Variants in MAK observed in about 807,000 individuals in gnomAD.
MAK encodes the protein male germ cell associated kinase, also known as serine/threonine-protein kinase MAK.
A neutral mutation model predicts 82.6 loss-of-function variants in MAK; 65 were observed. That is an observed-to-expected ratio of 0.79 (90% CI 0.64 to 0.97). The LOEUF (loss-of-function observed/expected upper bound fraction) is 0.97. Ranked by LOEUF, MAK falls within the 50% of genes least tolerant of loss-of-function variation. The pLI, the probability that MAK is intolerant of heterozygous loss-of-function variation, is 0.00. For synonymous variants in MAK, 250 were observed against 274.2 expected (o/e 0.91, Z 0.87); for missense variants, 703 against 780.2 (o/e 0.90, Z 1.18).
chr6:10,816,050 G>A lies in MAK; in HGVS notation c.278+1800C>T, dbSNP rs969801140. Among the ~76,000 whole-genome samples, 17 of 150,774 alleles carry A rather than the reference G, an allele frequency of 1.1e-4. No individual in the cohort carries two copies. The East Asian group carries it at 3.3e-3, about 29-fold the overall frequency. ...CTGCAACCTCTCCCTCCTGGCCAAC[G>A]CAGTGAAACCCTGTCTCTACTAAAA... On this transcript the variant is annotated intron_variant, in intron 4 of 14. Coordinates refer to ENST00000354489, the MANE Select transcript of MAK (RefSeq NM_001242957.3).
rs766003587 is a variant in MAK, at chr6:10,791,672, T to TA, written c.1316+2dup. Reference sequence around the variant, plus strand: ...TATTTTTCTGAGGAATTTGAAATCTTACCGAAATGGAGAATCTTTTTTCCT... The same window carrying TA: ...TATTTTTCTGAGGAATTTGAAATCTTAACCGAAATGGAGAATCTTTTTTCCT... On this transcript the variant is annotated splice_region_variant and intron_variant, in intron 10 of 14. Transcript: ENST00000354489. 1 of 1,611,904 alleles carries TA rather than the reference T, an allele frequency of 6.2e-7. No individual in the cohort carries two copies. The highest frequency in any genetic ancestry group is 1.3e-5 in the African/African-American group (1 of 74,888).
chr6:10,767,876 T>C (rs1322024728), intron 14 of MAK, among the ~76,000 whole-genome samples: 1 of 149,996 alleles, frequency 6.7e-6, no homozygotes, highest in African/African-American at 2.4e-5. Flanking sequence ...AAGGGGGAAA[T>C]AGTTGAGTAA....
intron 8 of MAK, among the ~76,000 whole-genome samples, chr6:10,799,603 C>T (rs1775853016): frequency 1.3e-5 from 2 of 152,040 alleles, no homozygotes; most frequent in Admixed American, 6.6e-5. Flanking sequence ...AGAAACAAAA[C>T]TTTCAAAAAA....
intron 5 of MAK, 110 bp from the exon 6 acceptor site, chr6:10,809,052 C>T (rs370140345): frequency 9.8e-6 from 10 of 1,021,260 alleles, no homozygotes; most frequent in African/African-American, 9.7e-5. Flanking sequence ...TAATTCAAAA[C>T]ATCATCTTAG....
intron 9 of MAK, 88 bp from the exon 10 acceptor site, chr6:10,791,935 G>T: frequency 7.3e-7 from 1 of 1,375,284 alleles, no homozygotes; most frequent in Non-Finnish European, 1.0e-6. Context: ...GACACTAACA[G>T]TCCCCATTCT....
intron 2 of MAK, among the ~76,000 whole-genome samples, chr6:10,822,125 C>A (rs1274517925): frequency 1.7e-5 from 2 of 117,412 alleles, no homozygotes; most frequent in East Asian, 2.5e-4. Flanking sequence ...CCAGCCTGGG[C>A]AACAGAGCGA....
At chr6:10,810,989 A>G (rs576119950) in intron 5 of MAK, among the ~76,000 whole-genome samples, 13 of 152,082 alleles carry the variant, frequency 8.5e-5, no homozygotes, top group Non-Finnish European at 1.6e-4. Flanking sequence ...TTTGACAGCA[A>G]CTATTTTATT....
chr6:10,778,493 C>T (rs1262824262), intron 11 of MAK, among the ~76,000 whole-genome samples: 3 of 152,154 alleles, frequency 2.0e-5, no homozygotes, highest in Non-Finnish European at 4.4e-5. Flanking sequence ...TAGGATACAA[C>T]TCCCACATGC....
rs145516078 is a variant in MAK at position 10,790,726 on chromosome 6, G to C, written c.1316+949C>G. Among the ~76,000 whole-genome samples, 161 of 152,248 alleles carry C rather than the reference G, an allele frequency of 1.1e-3. 1 individual carries two copies. Among genetic ancestry groups the C allele is most frequent in the African/African-American group, 3.7e-3 (154 of 41,546 alleles). ...CATTCACAAGAGCATCGTAAAAATG[G>C]AACAAGATCCCCTCTGATACGTTTT... is the stretch of plus-strand genomic sequence containing the variant. On this transcript the variant is annotated intron_variant, in intron 10 of 14. Transcript: ENST00000354489.
chr6:10,789,549 G>A (rs1188090440), intron 10 of MAK, among the ~76,000 whole-genome samples: 1 of 152,202 alleles, frequency 6.6e-6, no homozygotes, highest in Non-Finnish European at 1.5e-5. Flanking sequence ...CTATGAGGAA[G>A]TTTAATTTAT....
chr6:10,788,593 C>T (rs528482791), intron 10 of MAK, among the ~76,000 whole-genome samples: 4 of 152,032 alleles, frequency 2.6e-5, no homozygotes, highest in African/African-American at 4.8e-5. Flanking sequence ...ATTAGCCAGG[C>T]GTGGTGGCAC....
chr6:10,783,864 C>T (rs1476529587), intron 11 of MAK, among the ~76,000 whole-genome samples: 1 of 151,990 alleles, frequency 6.6e-6, no homozygotes, highest in Non-Finnish European at 1.5e-5. Context: ...ACTAAAAATG[C>T]AAAAATTAGC....
At chr6:10,803,671 A>C (rs1275888077) in intron 7 of MAK, 49 bp downstream of exon 7, 1 of 1,492,506 alleles carries the variant, frequency 6.7e-7, no homozygotes, top group Non-Finnish European at 9.3e-7. Flanking sequence ...CAAAGTAGCA[A>C]GATAGAAATA....
rs781377439 is a variant in MAK at position 10,803,836 on chromosome 6, C to T, written c.547G>A (p.Val183Met). Residue 183 changes from valine (V) to methionine (M), a missense_variant, in exon 7 of 15, where the codon GTG (valine) becomes ATG (methionine). Transcript: ENST00000354489. ...RSSVYSSPID[V>M]WAVGSIMAEL... The stretch of plus-strand genomic sequence containing the variant: ...GCCATGATACTTCCAACAGCCCACA[C>T]ATCAATGGGAGAACTATAAACTGAA... 6.2e-7 allele frequency: 1 copy of T among 1,614,028 alleles called. No individual in the cohort carries two copies. The highest frequency in any genetic ancestry group is 1.1e-5 in the South Asian group (1 of 91,082).
At position 10,773,690 on chromosome 6, in the gene MAK, ATT is replaced by A. The variant is rs34702806; in HGVS notation, c.1598-584_1598-583del. Among the ~76,000 whole-genome samples, 497 of 136,664 alleles carry A rather than the reference ATT, an allele frequency of 3.6e-3. 1 individual carries two copies. The highest frequency in any genetic ancestry group is 0.011 in the Middle Eastern group (3 of 262). 89.7% of individuals were successfully genotyped at this position (136,664 alleles called of 152,430 possible). ...CATTTAAAAAATAAAACTATTAGTGATTTTTTTTTTTTTTTTTTTGAGACAGA... is the reference window on the plus strand; with the variant it reads ...CATTTAAAAAATAAAACTATTAGTGATTTTTTTTTTTTTTTTTGAGACAGA... On this transcript the variant is annotated intron_variant, in intron 12 of 14. Transcript: ENST00000354489.
chr6:10,810,662 C>T (rs369506189), intron 5 of MAK, among the ~76,000 whole-genome samples: 1 of 151,896 alleles, frequency 6.6e-6, no homozygotes, highest in African/African-American at 2.4e-5. Flanking sequence ...CTTTTTAAGC[C>T]TAAATGTTTT....
rs185577144 is a variant in MAK, at chr6:10,800,637, C to G, written c.831+1255G>C. ...GGCAGATCACCTGAGGTTGGGAGGT[C>G]GAGACCAGCCTCACCAACATGGAGA... On this transcript the variant is annotated intron_variant, in intron 8 of 14. Coordinates refer to ENST00000354489, the MANE Select transcript of MAK (RefSeq NM_001242957.3). The surrounding 1 kb of genome is among the most constrained non-coding windows in gnomAD (Gnocchi z 4.2). 2.6e-5 allele frequency among the ~76,000 whole-genome samples: 4 copies of G among 151,792 alleles called. No homozygotes were observed. Among genetic ancestry groups the G allele is most frequent in the African/African-American group, 9.7e-5 (4 of 41,302 alleles).
chr6:10,788,084 A>C (rs978560451), intron 10 of MAK, among the ~76,000 whole-genome samples: 1 of 151,446 alleles, frequency 6.6e-6, no homozygotes. Context: ...TCGGCCTTCC[A>C]AGCTCAAGCA....
In MAK at chr6:10,824,831, C is replaced by T. The variant is rs531215165; in HGVS notation, c.101+5717G>A. ...CACTGCAGTCTGGCTTCCACTATTC[C>T]ACTGGAACAGTGCTCACCGTGGCCG... On this transcript the variant is annotated intron_variant, in intron 2 of 14. Transcript: ENST00000354489. Among the ~76,000 whole-genome samples, 25 of 152,316 alleles carry T rather than the reference C, an allele frequency of 1.6e-4. No individual in the cohort carries two copies. The South Asian group carries it at 4.6e-3, about 28-fold the overall frequency.
Sources: gnomAD v4.1 joint callset for allele counts (sites outside exome capture counted in the v4.1 genomes callset) on GRCh38, gnomAD v4.1.1 for gene constraint, Gnocchi (gnomAD v3.1) non-coding constraint, MANE v1.5 for transcripts, NCBI Gene and HGNC (gene_info 2026-07-23, HGNC 2026-07-21) for gene names.